The following FAM135B variants were observed in gnomAD, a reference collection of about 807,000 sequenced individuals.
FAM135B encodes family with sequence similarity 135 member B.
Under a neutral mutation model 127.7 loss-of-function variants are expected in FAM135B, and 43 were observed. The ratio of observed to expected loss-of-function variants is 0.34; its 90% CI spans 0.26 to 0.43. The LOEUF is 0.43. Ranked by LOEUF, FAM135B falls within the 20% of genes least tolerant of loss-of-function variation. The pLI, the probability that FAM135B is intolerant of heterozygous loss-of-function variation, is 1.00. For missense variants in FAM135B, 1,558 were observed against 1,725.6 expected, an observed-to-expected ratio of 0.90 and a Z score of 1.72; for synonymous variants, 670 against 665.1, an observed-to-expected ratio of 1.01 and a Z score of -0.11.
intron 9 of FAM135B, among the ~76,000 whole-genome samples, chr8:138,179,536 A>T (rs1407749843): frequency 6.6e-6 from 1 of 152,200 alleles, no homozygotes; most frequent in African/African-American, 2.4e-5. Flanking sequence ...CTATGAAGCC[A>T]CATCACCATG....
In FAM135B at chr8:138,493,261, G is replaced by C. The variant is rs200227660; in HGVS notation, c.-20+3410C>G. On this transcript the variant is annotated intron_variant, in intron 1 of 19. Coordinates refer to ENST00000395297, the MANE Select transcript of FAM135B (RefSeq NM_015912.4). ...CTGCCAGCTCTCTCAGGTAAGATCA[G>C]ACTTGAATCTGAATCTAAATCTTTA... Among the ~76,000 whole-genome samples the C allele has an allele frequency of 1.7e-4, 26 of 152,230 alleles. No individual in the cohort carries two copies. The East Asian group carries it at 4.8e-3, about 28-fold the overall frequency.
At chr8:138,482,731 G>C (rs2131682877) in intron 1 of FAM135B, among the ~76,000 whole-genome samples, 1 of 152,240 alleles carries the variant, frequency 6.6e-6, no homozygotes, top group Non-Finnish European at 1.5e-5. Flanking sequence ...GCTCAGATTA[G>C]TTAACAAACT....
At chr8:138,339,382 TA>T (rs1408039130) in intron 2 of FAM135B, among the ~76,000 whole-genome samples, 6,065 of 122,756 alleles carry the variant, frequency 0.049, 364 homozygotes, top group African/African-American at 0.16. Context: ...TATATATATA[TA>T]TTTTAAAATC....
chr8:138,268,373 G>A lies in FAM135B; in HGVS notation c.158-2531C>T, dbSNP rs540230458. Among the ~76,000 whole-genome samples the A allele has an allele frequency of 6.1e-4, 93 of 152,248 alleles. 1 individual carries two copies. Among genetic ancestry groups the A allele is most frequent in the African/African-American group, 2.2e-3 (90 of 41,566 alleles). On this transcript the variant is annotated intron_variant, in intron 3 of 19. Transcript: ENST00000395297. ...TGAGCAGATTGGCAAACAGACCACA[G>A]GGCTTAATGGGTATTTACTGAAAGT...
At chr8:138,482,336 C>T (rs778669006) in intron 1 of FAM135B, among the ~76,000 whole-genome samples, 23 of 152,216 alleles carry the variant, frequency 1.5e-4, no homozygotes, top group South Asian at 4.1e-4. Flanking sequence ...TCAGAAGATG[C>T]CTGTAATCTT....
chr8:138,258,249 CT>C (rs775851232), intron 4 of FAM135B, among the ~76,000 whole-genome samples: 46 of 152,194 alleles, frequency 3.0e-4, no homozygotes, highest in Non-Finnish European at 4.7e-4. Flanking sequence ...AGAATCTCAT[CT>C]TCCTGGGATG....
chr8:138,495,650 A>G (rs1815361925), intron 1 of FAM135B, among the ~76,000 whole-genome samples: 1 of 152,082 alleles, frequency 6.6e-6, no homozygotes, highest in East Asian at 1.9e-4. Context: ...CTAATTATTC[A>G]CATGCTATCT....
chr8:138,203,707 G>A (rs1297725615), intron 7 of FAM135B, among the ~76,000 whole-genome samples: 1 of 152,116 alleles, frequency 6.6e-6, no homozygotes, highest in Non-Finnish European at 1.5e-5. Context: ...TCCATGAACC[G>A]AAGGTATGGG....
intron 3 of FAM135B, among the ~76,000 whole-genome samples, chr8:138,286,668 C>T (rs367979035): frequency 6.6e-6 from 1 of 152,162 alleles, no homozygotes; most frequent in Non-Finnish European, 1.5e-5. Context: ...AGGTGAGACA[C>T]GTGGGGAAAA....
At chr8:138,401,344 C>A (rs1235378773) in intron 1 of FAM135B, among the ~76,000 whole-genome samples, 1 of 152,202 alleles carries the variant, frequency 6.6e-6, no homozygotes, top group Non-Finnish European at 1.5e-5. Context: ...AGCTGATCTA[C>A]CATCACTGCA....
In FAM135B at chr8:138,177,387, C is replaced by G. The variant is rs2130965878; in HGVS notation, c.1063G>C (p.Glu355Gln). 6.2e-7 allele frequency: 1 copy of G among 1,613,340 alleles called. No individual in the cohort carries two copies. The highest frequency in any genetic ancestry group is 1.1e-5 in the South Asian group (1 of 90,936). ...RRFSEAFFYM[E>Q]HQKLAVLTFQ... Reference sequence around the variant, plus strand: ...GTCAGGACTGCAAGTTTTTGGTGCTCCATGTAAAAGAAGGCCTCAGAAAAC... The same window carrying G: ...GTCAGGACTGCAAGTTTTTGGTGCTGCATGTAAAAGAAGGCCTCAGAAAAC... Residue 355 changes from glutamate (E) to glutamine (Q), a missense_variant, in exon 11 of 20, where the codon GAG (glutamate) becomes CAG (glutamine). Around this residue, in one of 5 missense-constraint regions of FAM135B, gnomAD observed 115 missense variants for 171.1 expected, o/e 0.67. Coordinates refer to ENST00000395297, the MANE Select transcript of FAM135B (RefSeq NM_015912.4).
chr8:138,468,420 CT>C (rs1416249912), intron 1 of FAM135B, among the ~76,000 whole-genome samples: 9 of 152,158 alleles, frequency 5.9e-5, no homozygotes, highest in African/African-American at 1.9e-4. Flanking sequence ...TAATACGAAA[CT>C]TTCAACTTGT....
chr8:138,488,940 C>G (rs1815097588), intron 1 of FAM135B, among the ~76,000 whole-genome samples: 1 of 152,172 alleles, frequency 6.6e-6, no homozygotes, highest in Non-Finnish European at 1.5e-5. Flanking sequence ...ACTGGGATTA[C>G]AGGCGTGAGC....
chr8:138,134,375 G>A (rs1182641767), intron 19 of FAM135B, among the ~76,000 whole-genome samples: 1 of 152,118 alleles, frequency 6.6e-6, no homozygotes, highest in East Asian at 1.9e-4. Context: ...ATAAAGGTCA[G>A]AAGGTCATTT....
At position 138,154,532 on chromosome 8, in the gene FAM135B, G is replaced by A. The variant is rs555949763; in HGVS notation, c.1259-1316C>T. On this transcript the variant is annotated intron_variant, in intron 12 of 19. Transcript: ENST00000395297. The stretch of plus-strand genomic sequence containing the variant: ...GGATGTTCAAACCCTCCATAAAGAA[G>A]GTAAAAACCTTGAAAAAAGATTAGA... Among the ~76,000 whole-genome samples the A allele has an allele frequency of 2.0e-5, 3 of 152,026 alleles. No individual in the cohort carries two copies. In the East Asian group the frequency reaches 5.8e-4, roughly 30 times the overall value.
chr8:138,336,688 G>T (rs910652789), intron 2 of FAM135B, among the ~76,000 whole-genome samples: 3 of 152,178 alleles, frequency 2.0e-5, no homozygotes, highest in Non-Finnish European at 4.4e-5. Flanking sequence ...ACAAGGAGGA[G>T]CTGCTACCAT....
At chr8:138,268,246 T>C (rs748205635) in intron 3 of FAM135B, among the ~76,000 whole-genome samples, 3 of 152,158 alleles carry the variant, frequency 2.0e-5, no homozygotes, top group Admixed American at 1.3e-4. Context: ...ATATACAGTA[T>C]GATGATTTTT....
intron 14 of FAM135B, among the ~76,000 whole-genome samples, chr8:138,147,967 A>G (rs1395694770): frequency 6.6e-6 from 1 of 152,186 alleles, no homozygotes; most frequent in Non-Finnish European, 1.5e-5. Flanking sequence ...CCTGGTATAC[A>G]AAAGGTATCC....
intron 1 of FAM135B, among the ~76,000 whole-genome samples, chr8:138,466,861 G>A (rs1475511066): frequency 6.6e-6 from 1 of 152,156 alleles, no homozygotes; most frequent in Non-Finnish European, 1.5e-5. Flanking sequence ...GTATAGTGCA[G>A]CAAATTTATA....
Sources: gnomAD v4.1 joint callset for allele counts (sites outside exome capture counted in the v4.1 genomes callset) on GRCh38, gnomAD v4.1.1 for gene constraint, gnomAD v4.1.1 regional missense constraint, MANE v1.5 for transcripts, NCBI Gene and HGNC (gene_info 2026-07-23, HGNC 2026-07-21) for gene names.